The following TGM5 variants were observed in gnomAD, a reference collection of about 807,000 sequenced individuals.
TGM5 encodes protein-glutamine gamma-glutamyltransferase 5.
In TGM5, 69 loss-of-function variants were observed where a neutral mutation model predicts 77.2. That is an observed-to-expected ratio of 0.89 (90% confidence interval 0.74 to 1.09). The LOEUF is 1.09. Ranked by LOEUF, TGM5 falls within the 50% of genes least tolerant of loss-of-function variation. TGM5 has a pLI of 0.00. For missense variants in TGM5, 842 were observed against 896.5 expected (o/e 0.94, Z 0.78); for synonymous variants, 346 against 351.8 (o/e 0.98, Z 0.18).
At chr15:43,248,821 T>C (rs139842185) in intron 6 of TGM5, among the ~76,000 whole-genome samples, 11 of 152,302 alleles carry the variant, frequency 7.2e-5, no homozygotes, top group African/African-American at 2.4e-4. Context: ...AGTTATTGTA[T>C]TGAAATGAAG....
intron 6 of TGM5, among the ~76,000 whole-genome samples, chr15:43,251,006 C>T (rs1195408763): frequency 6.6e-6 from 1 of 152,152 alleles, no homozygotes; most frequent in Non-Finnish European, 1.5e-5. Flanking sequence ...AAACCTGGCT[C>T]ACTCCTTCTA....
chr15:43,247,621 G>A (rs2042677610), intron 6 of TGM5: 2 of 149,574 alleles, frequency 1.3e-5, no homozygotes, highest in Non-Finnish European at 1.5e-5. Context: ...ATAATGAGAA[G>A]AGAAATGGAA....
intron 1 of TGM5, among the ~76,000 whole-genome samples, chr15:43,265,573 A>C (rs1017484698): frequency 4.6e-5 from 7 of 152,196 alleles, no homozygotes; most frequent in Non-Finnish European, 1.0e-4. Flanking sequence ...ATCTATTCAA[A>C]TAGGAGGTTC....
intron 4 of TGM5, among the ~76,000 whole-genome samples, chr15:43,255,097 G>C (rs941990452): frequency 6.6e-6 from 1 of 152,110 alleles, no homozygotes; most frequent in Admixed American, 6.6e-5. Context: ...ACTTTGGGAG[G>C]CCGAGACGGG....
At chr15:43,235,397 C>G in intron 10 of TGM5, 72 bp downstream of exon 10, 1 of 1,607,822 alleles carries the variant, frequency 6.2e-7, no homozygotes, top group Non-Finnish European at 8.5e-7. Context: ...CCCCCAGAAC[C>G]CTGTTGGCTG....
At chr15:43,243,809 T>A (rs1445055112) in intron 6 of TGM5, among the ~76,000 whole-genome samples, 5 of 152,206 alleles carry the variant, frequency 3.3e-5, no homozygotes, top group Non-Finnish European at 4.4e-5. Flanking sequence ...CGGTCTTCCT[T>A]TCTAGTCAAG....
At chr15:43,234,690 G>T in intron 11 of TGM5, 79 bp downstream of exon 11, 2 of 1,581,412 alleles carry the variant, frequency 1.3e-6, no homozygotes, top group Non-Finnish European at 1.7e-6. Flanking sequence ...GCAGGCCCAG[G>T]CTGCCCTCTC....
chr15:43,234,755 G>A lies in TGM5; in HGVS notation c.1875+14C>T, dbSNP rs563242114. On this transcript the variant is annotated intron_variant, in intron 11 of 12. Transcript: ENST00000220420. ...CAAGGAGCCCCACAAGCCATTTGCA[G>A]GACTCCTGCCTACATTAATCGTGAT... 6.2e-7 allele frequency: 1 copy of A among 1,614,084 alleles called. No homozygotes were observed. Among genetic ancestry groups the A allele is most frequent in the African/African-American group, 1.3e-5 (1 of 75,072 alleles).
At chr15:43,238,009 A>C (rs1367374004) in intron 9 of TGM5, among the ~76,000 whole-genome samples, 1 of 152,200 alleles carries the variant, frequency 6.6e-6, no homozygotes, top group African/African-American at 2.4e-5. Context: ...TGTGTTCAAC[A>C]CTTGCCCCCT....
chr15:43,244,837 G>A (rs2042660118), intron 6 of TGM5, among the ~76,000 whole-genome samples: 1 of 152,182 alleles, frequency 6.6e-6, no homozygotes, highest in South Asian at 2.1e-4. Context: ...AGAGGCCAAG[G>A]AGGGAGGATT....
chr15:43,238,149 T>C (rs575832153), intron 9 of TGM5, among the ~76,000 whole-genome samples: 2 of 152,256 alleles, frequency 1.3e-5, no homozygotes, highest in South Asian at 2.1e-4. Flanking sequence ...CCCACCGCCC[T>C]TCAGCCACCC....
chr15:43,255,222 T>C (rs543683268), intron 4 of TGM5, among the ~76,000 whole-genome samples: 1 of 152,122 alleles, frequency 6.6e-6, no homozygotes, highest in African/African-American at 2.4e-5. Context: ...TAGTCCCAGC[T>C]ACTCAGGAGG....
chr15:43,244,020 A>T lies in TGM5; in HGVS notation c.863-3030T>A, dbSNP rs1018607278. Among the ~76,000 whole-genome samples, 5 of 152,282 alleles carry T rather than the reference A, an allele frequency of 3.3e-5. No homozygotes were observed. The South Asian group carries it at 1.0e-3, about 32-fold the overall frequency. On this transcript the variant is annotated intron_variant, in intron 6 of 12. Coordinates refer to ENST00000220420, the MANE Select transcript of TGM5 (RefSeq NM_201631.4). ...TGTCTCTCTGATCTCAAAGCCTCTC[A>T]TGCTTTTAACTGCAGGCCACAACAC...
At chr15:43,259,009 C>T (rs2042765047) in intron 3 of TGM5, among the ~76,000 whole-genome samples, 2 of 152,142 alleles carry the variant, frequency 1.3e-5, no homozygotes, top group African/African-American at 4.8e-5. Context: ...GGCGTTAGAA[C>T]CCATCCAGGG....
intron 6 of TGM5, among the ~76,000 whole-genome samples, chr15:43,243,008 T>C (rs1251255036): frequency 6.6e-6 from 1 of 152,150 alleles, no homozygotes; most frequent in Non-Finnish European, 1.5e-5. Context: ...TTCACCCAGA[T>C]GGATGAGTTC....
chr15:43,261,512 C>A (rs1045847468), intron 1 of TGM5, among the ~76,000 whole-genome samples: 20 of 152,184 alleles, frequency 1.3e-4, no homozygotes, highest in African/African-American at 4.8e-4. Flanking sequence ...CTTCTGGAGC[C>A]TCTGCTAAAA....
intron 6 of TGM5, among the ~76,000 whole-genome samples, chr15:43,241,899 C>T (rs542464103): frequency 1.3e-5 from 2 of 152,088 alleles, no homozygotes; most frequent in African/African-American, 2.4e-5. Context: ...CTTGGCCTCC[C>T]AAAGTGCTGG....
intron 6 of TGM5, among the ~76,000 whole-genome samples, chr15:43,243,385 T>C (rs1157073639): frequency 6.6e-6 from 1 of 152,216 alleles, no homozygotes; most frequent in African/African-American, 2.4e-5. Flanking sequence ...GGTACCAAGC[T>C]CAACTGTCCG....
chr15:43,234,990 G>T, intron 10 of TGM5, 61 bp from the exon 11 acceptor site: 1 of 1,587,780 alleles, frequency 6.3e-7, no homozygotes, highest in East Asian at 2.2e-5. Flanking sequence ...TACCTGGGTT[G>T]GACCTGGGTC....
Sources: gnomAD v4.1 joint callset for allele counts (sites outside exome capture counted in the v4.1 genomes callset) on GRCh38, gnomAD v4.1.1 for gene constraint, MANE v1.5 for transcripts, NCBI Gene and HGNC (gene_info 2026-07-23, HGNC 2026-07-21) for gene names.